NOL4: variants seen among roughly 807,000 people sequenced by gnomAD.
NOL4 encodes nucleolar protein 4.
Under a neutral mutation model 75.9 loss-of-function variants are expected in NOL4, and 17 were observed. The ratio of observed to expected loss-of-function variants is 0.22; its 90% CI spans 0.15 to 0.34. The LOEUF (loss-of-function observed/expected upper bound fraction) is 0.34. Among genes scored for constraint, NOL4 ranks in the 10% least tolerant of loss-of-function variants. NOL4 has a pLI of 1.00. For missense variants in NOL4, 614 were observed against 793.5 expected (o/e 0.77, Z 2.72); for synonymous variants, 292 against 289.9 (o/e 1.01, Z -0.07).
At chr18:34,083,431 A>G (rs1448816099) in intron 5 of NOL4, among the ~76,000 whole-genome samples, 2 of 152,164 alleles carry the variant, frequency 1.3e-5, no homozygotes, top group African/African-American at 4.8e-5. Context: ...GGGTGTCTCC[A>G]TTGCTTTTAA....
intron 6 of NOL4, among the ~76,000 whole-genome samples, chr18:33,978,943 TTAA>T (rs1252764851): frequency 6.6e-6 from 1 of 152,050 alleles, no homozygotes; most frequent in Non-Finnish European, 1.5e-5. Context: ...GAGCAAGTGC[TTAA>T]TAAATCCTGG....
chr18:34,086,781 G>A (rs2078264031), intron 5 of NOL4, among the ~76,000 whole-genome samples: 1 of 152,062 alleles, frequency 6.6e-6, no homozygotes. Flanking sequence ...CTAAAGTCCA[G>A]TGTGTGCAGT....
intron 10 of NOL4, among the ~76,000 whole-genome samples, chr18:33,863,165 G>A (rs554136983): frequency 4.0e-5 from 6 of 151,394 alleles, no homozygotes; most frequent in African/African-American, 1.5e-4. Context: ...GTAAACTATC[G>A]CAAGAACAAA....
chr18:33,994,468 T>C (rs1434267910), intron 6 of NOL4, among the ~76,000 whole-genome samples: 2 of 151,950 alleles, frequency 1.3e-5, no homozygotes, highest in African/African-American at 4.8e-5. Context: ...GTGTTCTGAC[T>C]TCAACAAAAA....
intron 5 of NOL4, among the ~76,000 whole-genome samples, chr18:34,034,079 A>T (rs1428259571): frequency 6.6e-6 from 1 of 152,210 alleles, no homozygotes; most frequent in Admixed American, 6.5e-5. Context: ...GACAGCATTT[A>T]CCATCATGAA....
chr18:34,178,718 G>T (rs2033774105), intron 1 of NOL4, among the ~76,000 whole-genome samples: 1 of 151,632 alleles, frequency 6.6e-6, no homozygotes, highest in African/African-American at 2.4e-5. Context: ...AAAACTGACA[G>T]AATGGAGGGG....
intron 2 of NOL4, among the ~76,000 whole-genome samples, chr18:34,106,155 T>C (rs889913947): frequency 2.0e-5 from 3 of 152,054 alleles, no homozygotes; most frequent in African/African-American, 4.8e-5. Context: ...TCTATAGCCC[T>C]TACAAACACT....
intron 9 of NOL4, among the ~76,000 whole-genome samples, chr18:33,935,757 A>C (rs1377085045): frequency 6.6e-6 from 1 of 152,164 alleles, no homozygotes; most frequent in African/African-American, 2.4e-5. Context: ...AAGTTCAATA[A>C]AATGAGGAAT....
intron 1 of NOL4, among the ~76,000 whole-genome samples, chr18:34,203,563 C>T (rs2035889413): frequency 6.6e-6 from 1 of 151,534 alleles, no homozygotes. Flanking sequence ...GGTGGGAAGT[C>T]GAGTAAGTGT....
chr18:34,205,722 G>A lies in NOL4; in HGVS notation c.264+17268C>T, dbSNP rs1600874244. Among the ~76,000 whole-genome samples the A allele has an allele frequency of 3.3e-5, 5 of 152,218 alleles. No homozygotes were observed. The South Asian group carries it at 1.0e-3, about 32-fold the overall frequency. On this transcript the variant is annotated intron_variant, in intron 1 of 10. Transcript: ENST00000261592. ...AATGTGTATATAAGCAGTTGCCAAG[G>A]TGATTAGCAGATAACCAAGACCCTA... is the stretch of plus-strand genomic sequence containing the variant.
intron 1 of NOL4, among the ~76,000 whole-genome samples, chr18:34,173,575 T>C (rs2033257659): frequency 6.6e-6 from 1 of 152,128 alleles, no homozygotes; most frequent in African/African-American, 2.4e-5. Context: ...TGTTTTAAAG[T>C]TATTTGATAT....
chr18:33,949,132 A>T (rs1333992362), intron 8 of NOL4, among the ~76,000 whole-genome samples: 1 of 152,132 alleles, frequency 6.6e-6, no homozygotes, highest in Admixed American at 6.6e-5. Flanking sequence ...GTTATGCAAC[A>T]AACCTAGTAT....
intron 5 of NOL4, among the ~76,000 whole-genome samples, chr18:34,062,803 T>C (rs1473739501): frequency 6.6e-6 from 1 of 152,096 alleles, no homozygotes; most frequent in African/African-American, 2.4e-5. Context: ...TAGAAAGCCA[T>C]AGTGCATATT....
intron 6 of NOL4, among the ~76,000 whole-genome samples, chr18:33,962,751 T>C (rs2070250866): frequency 6.6e-6 from 1 of 152,084 alleles, no homozygotes; most frequent in Non-Finnish European, 1.5e-5. Flanking sequence ...ATAAGCATAA[T>C]ATATTTTGAA....
intron 9 of NOL4, 32 bp downstream of exon 9, chr18:33,943,033 G>T: frequency 7.4e-7 from 1 of 1,357,670 alleles, no homozygotes; most frequent in Non-Finnish European, 1.1e-6. Context: ...TGCTATAGCT[G>T]GTGTTCACCA....
At chr18:33,867,178 T>C (rs904001102) in intron 10 of NOL4, among the ~76,000 whole-genome samples, 24 of 152,208 alleles carry the variant, frequency 1.6e-4, no homozygotes, top group African/African-American at 5.8e-4. Context: ...TGGAAGTTTC[T>C]ACATTAAGAT....
intron 1 of NOL4, among the ~76,000 whole-genome samples, chr18:34,173,431 T>G (rs1229180196): frequency 6.6e-6 from 1 of 152,154 alleles, no homozygotes; most frequent in Non-Finnish European, 1.5e-5. Context: ...TCTATGAATA[T>G]GGTGGATATG....
chr18:33,947,149 G>T (rs559821952), intron 8 of NOL4, among the ~76,000 whole-genome samples: 6 of 151,646 alleles, frequency 4.0e-5, no homozygotes, highest in African/African-American at 1.5e-4. Flanking sequence ...TACTAATATC[G>T]AGAGAGTGAG....
intron 1 of NOL4, among the ~76,000 whole-genome samples, chr18:34,171,740 A>G (rs745627792): frequency 6.6e-6 from 1 of 152,150 alleles, no homozygotes; most frequent in Non-Finnish European, 1.5e-5. Flanking sequence ...AGATATTTGA[A>G]TGTAGTCACT....
Sources: gnomAD v4.1 joint callset for allele counts (sites outside exome capture counted in the v4.1 genomes callset) on GRCh38, gnomAD v4.1.1 for gene constraint, MANE v1.5 for transcripts, NCBI Gene and HGNC (gene_info 2026-07-23, HGNC 2026-07-21) for gene names.